CSMD1: variants seen among roughly 807,000 people sequenced by gnomAD.
CSMD1 encodes the protein CUB and sushi domain-containing protein 1.
CSMD1 carries 213 observed loss-of-function variants against 417.5 expected under a neutral mutation model. The observed-to-expected ratio is 0.51, with a 90% CI of 0.46 to 0.57. The LOEUF is 0.57. Among genes scored for constraint, CSMD1 ranks in the 20% least tolerant of loss-of-function variants. The pLI is 0.00. For missense variants in CSMD1, 6,923 were observed against 4,529.7 expected, an observed-to-expected ratio of 1.53 and a Z score of -15.17; for synonymous variants, 2,862 against 1,736.8, an observed-to-expected ratio of 1.65 and a Z score of -16.11.
At chr8:4,396,548 G>A (rs961529801) in intron 3 of CSMD1, among the ~76,000 whole-genome samples, 7 of 151,940 alleles carry the variant, frequency 4.6e-5, no homozygotes, top group African/African-American at 1.7e-4. Flanking sequence ...TAAGTTTATA[G>A]CAGCAAAATT....
In CSMD1 at chr8:3,753,939, G is replaced by C. The variant is rs1797509532; in HGVS notation, c.922C>G (p.Gln308Glu). ...GATGGAGCATCCTTACCTTGGAACT[G>C]AGCGTTAAATCCTTTGCGTCGGTGG... ...SNHRRKGFNAQFQVKKAIELK... is the reference protein window; with the variant it reads ...SNHRRKGFNAEFQVKKAIELK... Residue 308 changes from glutamine (Q) to glutamate (E), a missense_variant, in exon 6 of 70, where the codon CAG becomes GAG. Coordinates refer to ENST00000635120, the MANE Select transcript of CSMD1 (RefSeq NM_033225.6). 2.5e-6 allele frequency: 4 copies of C among 1,606,216 alleles called. No homozygotes were observed. The highest frequency in any genetic ancestry group is 2.2e-5 in the East Asian group (1 of 44,758).
intron 2 of CSMD1, among the ~76,000 whole-genome samples, chr8:4,427,741 A>C (rs765907606): frequency 6.6e-6 from 1 of 151,208 alleles, no homozygotes; most frequent in African/African-American, 2.5e-5. Context: ...CTATTAATAT[A>C]AAGTATATAA....
intron 30 of CSMD1, among the ~76,000 whole-genome samples, chr8:3,207,272 G>C (rs1186113443): frequency 4.1e-5 from 6 of 147,262 alleles, no homozygotes; most frequent in Non-Finnish European, 8.9e-5. Context: ...TCAGCCTCCC[G>C]AGTAGCTGCA....
At chr8:2,953,994 T>A (rs1036062750) in intron 65 of CSMD1, among the ~76,000 whole-genome samples, 4 of 152,274 alleles carry the variant, frequency 2.6e-5, no homozygotes, top group Non-Finnish European at 5.9e-5. Flanking sequence ...CAGGGTGTGA[T>A]AACACCAAAG....
At chr8:4,810,000 T>C (rs984128901) in intron 1 of CSMD1, among the ~76,000 whole-genome samples, 1 of 152,194 alleles carries the variant, frequency 6.6e-6, no homozygotes, top group Non-Finnish European at 1.5e-5. Flanking sequence ...GAATATCAAG[T>C]GAATATATGC....
At chr8:4,358,963 T>C (rs1376901758) in intron 3 of CSMD1, among the ~76,000 whole-genome samples, 1 of 91,666 alleles carries the variant, frequency 1.1e-5, no homozygotes, top group African/African-American at 7.7e-5. Context: ...TCCAGAGTCT[T>C]GTGCACACAC....
At chr8:4,077,312 T>C (rs1403438601) in intron 3 of CSMD1, among the ~76,000 whole-genome samples, 1 of 147,140 alleles carries the variant, frequency 6.8e-6, no homozygotes, top group African/African-American at 2.5e-5. Flanking sequence ...TATATATATA[T>C]ATATATATAT....
intron 3 of CSMD1, among the ~76,000 whole-genome samples, chr8:4,361,719 G>C (rs1316147666): frequency 2.0e-5 from 3 of 151,690 alleles, no homozygotes; most frequent in Non-Finnish European, 4.4e-5. Flanking sequence ...ACTTTGGGAG[G>C]CCGAAGTGGG....
intron 3 of CSMD1, among the ~76,000 whole-genome samples, chr8:4,117,365 C>T (rs969697309): frequency 6.6e-6 from 1 of 152,010 alleles, no homozygotes; most frequent in Admixed American, 6.6e-5. Flanking sequence ...TGCTTCATAA[C>T]ACCGGGACAC....
intron 40 of CSMD1, among the ~76,000 whole-genome samples, chr8:3,147,648 G>T (rs1192625542): frequency 6.6e-6 from 1 of 152,150 alleles, no homozygotes; most frequent in Non-Finnish European, 1.5e-5. Flanking sequence ...CATTTTCCTT[G>T]TTACTTAGTG....
At chr8:3,795,013 T>C in intron 5 of CSMD1, among the ~76,000 whole-genome samples, 1 of 150,854 alleles carries the variant, frequency 6.6e-6, no homozygotes, top group Non-Finnish European at 1.5e-5. Context: ...TATAAATACA[T>C]ATCTATCATA....
chr8:3,151,611 G>A, intron 39 of CSMD1, 98 bp from the exon 40 acceptor site: 1 of 725,474 alleles, frequency 1.4e-6, no homozygotes, highest in Non-Finnish European at 2.4e-6. Context: ...GAAAGAGCAA[G>A]TCTTCGGAGT....
intron 2 of CSMD1, among the ~76,000 whole-genome samples, chr8:4,474,609 C>T (rs114797823): frequency 2.6e-3 from 397 of 152,268 alleles, no homozygotes; most frequent in African/African-American, 9.2e-3. Context: ...TGAGCTACTA[C>T]GTAACCCATT....
intron 33 of CSMD1, among the ~76,000 whole-genome samples, chr8:3,194,177 G>C (rs1665213044): frequency 6.6e-6 from 1 of 152,000 alleles, no homozygotes; most frequent in African/African-American, 2.4e-5. Context: ...CTTTTTATAG[G>C]CTCTTGACAC....
intron 11 of CSMD1, among the ~76,000 whole-genome samples, chr8:3,485,909 G>C (rs1818006647): frequency 6.6e-6 from 1 of 152,094 alleles, no homozygotes; most frequent in South Asian, 2.1e-4. Context: ...CTGTAGATTT[G>C]CAAAACATTT....
At chr8:3,516,929 C>T (rs1208321248) in intron 10 of CSMD1, among the ~76,000 whole-genome samples, 1 of 152,142 alleles carries the variant, frequency 6.6e-6, no homozygotes, top group Admixed American at 6.5e-5. Context: ...AACCCAAATG[C>T]CCGTCAATCA....
chr8:3,015,425 T>C (rs1808750838), intron 52 of CSMD1, among the ~76,000 whole-genome samples: 1 of 151,674 alleles, frequency 6.6e-6, no homozygotes, highest in Non-Finnish European at 1.5e-5. Flanking sequence ...TGGGGGTTGT[T>C]TTGTTTTGTC....
chr8:4,158,423 A>G (rs1347866184), intron 3 of CSMD1, among the ~76,000 whole-genome samples: 2 of 151,860 alleles, frequency 1.3e-5, no homozygotes, highest in East Asian at 3.9e-4. Flanking sequence ...GATATTGCAA[A>G]CAAACAAACA....
intron 25 of CSMD1, among the ~76,000 whole-genome samples, chr8:3,305,715 T>C (rs377052841): frequency 2.0e-5 from 3 of 152,226 alleles, no homozygotes; most frequent in East Asian, 3.8e-4. Flanking sequence ...ACAGTCTCAC[T>C]GTTGCCCAGG....
Sources: allele counts gnomAD v4.1 joint callset (sites outside exome capture counted in the v4.1 genomes callset), GRCh38; gene constraint gnomAD v4.1.1; transcripts MANE v1.5; gene names NCBI Gene and HGNC (gene_info 2026-07-23, HGNC 2026-07-21).